BAHCC1: variants seen among roughly 807,000 people sequenced by gnomAD.
BAHCC1 encodes the protein BAH and coiled-coil domain-containing protein 1.
BAHCC1 carries 43 observed loss-of-function variants against 88.2 expected under a neutral mutation model. That is an observed-to-expected ratio of 0.49 (90% confidence interval 0.38 to 0.63). BAHCC1 has a LOEUF of 0.63. Among genes scored for constraint, BAHCC1 ranks in the 20% least tolerant of loss-of-function variants. The pLI is 0.00. For missense variants in BAHCC1, 3,023 were observed against 1,654.8 expected (o/e 1.83, Z -14.34); for synonymous variants, 1,510 against 745.5 (o/e 2.03, Z -16.71).
In BAHCC1 at chr17:81,446,861, C is replaced by T. The variant is rs782493588; in HGVS notation, c.3164-175C>T. ...AGCTACTGCACCCAGCCAGGTTGCC[C>T]CCTTAATTAACGTAACCCTTTCCCC... On this transcript the variant is annotated intron_variant, in intron 10 of 27. Coordinates refer to ENST00000675386, the MANE Select transcript of BAHCC1 (RefSeq NM_001377448.1). 11 of 669,628 alleles carry T rather than the reference C, an allele frequency of 1.6e-5. No individual in the cohort carries two copies. In the South Asian group the frequency reaches 1.8e-4, roughly 11 times the overall value. The allele number at this position is 669,628 out of a possible 1,614,324, so 41.5% of individuals were successfully genotyped here.
chr17:81,416,302 G>A (rs1180554161), intron 2 of BAHCC1, among the ~76,000 whole-genome samples: 1 of 147,504 alleles, frequency 6.8e-6, no homozygotes, highest in Non-Finnish European at 1.5e-5. Context: ...GTGTGTCCAT[G>A]AGGGTGGGTG....
intron 2 of BAHCC1, among the ~76,000 whole-genome samples, chr17:81,414,061 A>G (rs1555648239): frequency 1.3e-5 from 2 of 152,144 alleles, no homozygotes; most frequent in Admixed American, 6.5e-5. Context: ...GCGTGTCTCT[A>G]GACTCTCCTC....
intron 2 of BAHCC1, among the ~76,000 whole-genome samples, chr17:81,406,365 C>T (rs2063879004): frequency 6.6e-6 from 1 of 152,218 alleles, no homozygotes; most frequent in Non-Finnish European, 1.5e-5. Context: ...CATTCCCCCT[C>T]CCAGCCCCCG....
At chr17:81,437,786 C>T (rs182460136) in intron 3 of BAHCC1, among the ~76,000 whole-genome samples, 9 of 152,348 alleles carry the variant, frequency 5.9e-5, no homozygotes, top group East Asian at 1.9e-4. Flanking sequence ...TCTTTGCCCC[C>T]GTCCCTTCCC....
chr17:81,422,536 C>T (rs1055570395), intron 2 of BAHCC1, among the ~76,000 whole-genome samples: 1 of 152,174 alleles, frequency 6.6e-6, no homozygotes, highest in Non-Finnish European at 1.5e-5. Context: ...TAGGCTAGAG[C>T]CCCCATCCCC....
chr17:81,433,562 T>C (rs1485250538), intron 3 of BAHCC1, among the ~76,000 whole-genome samples: 47 of 81,270 alleles, frequency 5.8e-4, no homozygotes, highest in Admixed American at 7.2e-4. Flanking sequence ...CCTCCTGTGC[T>C]TAGGGCAGGT....
At chr17:81,407,981 G>A (rs1381262565) in intron 2 of BAHCC1, among the ~76,000 whole-genome samples, 2 of 152,172 alleles carry the variant, frequency 1.3e-5, no homozygotes, top group East Asian at 1.9e-4. Context: ...TCCATCCTCC[G>A]TCTCCTGGCT....
intron 27 of BAHCC1, 55 bp from the exon 28 acceptor site, chr17:81,463,556 G>C (rs2030486830): frequency 1.3e-6 from 1 of 771,226 alleles, no homozygotes; most frequent in African/African-American, 1.7e-5. Context: ...TCCTGGCTGG[G>C]CAGGGGCGCA....
chr17:81,459,687 G>T, intron 23 of BAHCC1, 83 bp downstream of exon 23: 2 of 749,922 alleles, frequency 2.7e-6, no homozygotes, highest in Non-Finnish European at 5.0e-6. Context: ...CCTGGCTTCC[G>T]AGGCTGGCGA....
Position 81,442,403 on chromosome 17 carries a change from G to T in BAHCC1, c.1054G>T (p.Gly352Trp), listed in dbSNP as rs377687447. 1.4e-6 allele frequency: 1 copy of T among 698,478 alleles called. No individual in the cohort carries two copies. The highest frequency in any genetic ancestry group is 1.8e-5 in the African/African-American group (1 of 56,446). 43.3% of individuals were successfully genotyped at this position (698,478 alleles called of 1,614,324 possible). The part of the protein sequence containing the change: ...QMLHHTASYA[G>W]PPPPLSTAAG... ...GCTACACCACACCGCATCCTACGCC[G>T]GGCCACCCCCGCCCCTCAGCACAGC... Residue 352 changes from glycine to tryptophan, a missense_variant, in exon 5 of 28, where the codon GGG becomes TGG. By Grantham distance (184) the Gly-to-Trp change is radical. Coordinates refer to ENST00000675386, the MANE Select transcript of BAHCC1 (RefSeq NM_001377448.1).
Position 81,443,024 on chromosome 17 carries a change from G to A in BAHCC1, c.1675G>A (p.Gly559Ser), listed in dbSNP as rs370904420. 17 of 778,462 alleles carry A rather than the reference G, an allele frequency of 2.2e-5. No homozygotes were observed. The highest frequency in any genetic ancestry group is 3.8e-5 in the Non-Finnish European group (16 of 417,710). 48.2% of individuals were successfully genotyped at this position (778,462 alleles called of 1,614,324 possible). A position where few individuals can be genotyped will look rare whatever the true frequency, so the allele number is the denominator to read the frequency against. ...HLMAAEVEQG[G>S]IGAEAKRKSL... The stretch of plus-strand genomic sequence containing the variant: ...GATGGCCGCCGAGGTGGAGCAGGGG[G>A]GCATTGGGGCTGAGGCCAAGCGCAA... Residue 559 changes from glycine to serine, a missense_variant, in exon 5 of 28, where the codon GGC becomes AGC. Gly to Ser is a moderately conservative substitution (Grantham distance 56). Transcript: ENST00000675386.
chr17:81,406,906 C>T (rs2063887540), intron 2 of BAHCC1: 3 of 456,180 alleles, frequency 6.6e-6, no homozygotes, highest in Admixed American at 2.3e-5. Context: ...GCTGTCCACA[C>T]GATTAGGTTC....
intron 10 of BAHCC1, among the ~76,000 whole-genome samples, chr17:81,446,526 C>CTTTTTTTTTTTTTTT (rs869297780): frequency 8.1e-5 from 4 of 49,224 alleles, no homozygotes; most frequent in African/African-American, 3.6e-4. Context: ...CTGCTCACAC[C>CTTTTTTTTTTTTTTT]TTTTTTTTTT....
At chr17:81,406,621 C>T (rs939972422) in intron 2 of BAHCC1, among the ~76,000 whole-genome samples, 1 of 152,250 alleles carries the variant, frequency 6.6e-6, no homozygotes, top group Admixed American at 6.5e-5. Context: ...GATAATATAC[C>T]GTTTCGCTCA....
At position 81,411,071 on chromosome 17, in the gene BAHCC1, G is replaced by T. The variant is rs1555647757; in HGVS notation, c.178+11154G>T. On this transcript the variant is annotated intron_variant, in intron 2 of 27. Transcript: ENST00000675386. The surrounding 1 kb of genome is among the most constrained non-coding windows in gnomAD (Gnocchi z 6.2). The stretch of plus-strand genomic sequence containing the variant: ...GTGCGCCTCCCCTCGGGCCTGAGGG[G>T]TCCCTCTCTCTGGGGTCACGCTCCC... The T allele has an allele frequency of 1.9e-6, 1 of 519,180 alleles. No individual in the cohort carries two copies. Among genetic ancestry groups the T allele is most frequent in the South Asian group, 1.4e-5 (1 of 71,566 alleles). The allele number at this position is 519,180 out of a possible 1,614,324, so 32.2% of individuals were successfully genotyped here.
At chr17:81,452,227 G>A (rs923317314) in intron 13 of BAHCC1, 120 bp downstream of exon 13, 21 of 505,710 alleles carry the variant, frequency 4.2e-5, no homozygotes, top group Middle Eastern at 4.9e-4. Context: ...CCCTACCTGT[G>A]GGCAGACACC....
At position 81,460,552 on chromosome 17, in the gene BAHCC1, G is replaced by A. The variant is rs2030158844; in HGVS notation, c.6048G>A (p.Leu2016=). The A allele has an allele frequency of 1.3e-6, 1 of 763,114 alleles. No individual in the cohort carries two copies. The highest frequency in any genetic ancestry group is 2.4e-6 in the Non-Finnish European group (1 of 409,788). 47.3% of individuals were successfully genotyped at this position (763,114 alleles called of 1,614,324 possible). ...KIQCTEPSPA[L]LVSSSCRRTK... is the part of the protein sequence containing the mutation. ...CAGGCACAGAGCCCTCTCCAGCCCT[G>A]CTAGTGTCTAGCAGCTGCCGGAGGA... The change falls in exon 25 of 28, where the codon CTG becomes CTA. Residue 2016 remains leucine, a synonymous_variant. Transcript: ENST00000675386.
In BAHCC1 at chr17:81,443,314, G is replaced by T; in HGVS notation, c.1965G>T (p.Leu655=). ...VVGQKAPLVG[L]GGLKASCIQQ... The stretch of plus-strand genomic sequence containing the variant: ...GCCAGAAAGCACCCTTGGTGGGCCT[G>T]GGTGGCCTCAAGGCCAGCTGCATCC... Residue 655 remains leucine (L), a synonymous_variant, in exon 5 of 28, where the codon CTG becomes CTT. Coordinates refer to ENST00000675386, the MANE Select transcript of BAHCC1 (RefSeq NM_001377448.1). 1.3e-6 allele frequency: 1 copy of T among 779,288 alleles called. No homozygotes were observed. 48.3% of individuals were successfully genotyped at this position (779,288 alleles called of 1,614,324 possible).
intron 1 of BAHCC1, chr17:81,396,627 C>T (rs1567987854): frequency 1.3e-5 from 2 of 152,188 alleles, no homozygotes; most frequent in Admixed American, 6.5e-5. Context: ...GGCCAGAGTC[C>T]TGGTCTCCGG....
Sources: allele counts gnomAD v4.1 joint callset (sites outside exome capture counted in the v4.1 genomes callset), GRCh38; gene constraint gnomAD v4.1.1; non-coding constraint Gnocchi (gnomAD v3.1); transcripts MANE v1.5; gene names NCBI Gene and HGNC (gene_info 2026-07-23, HGNC 2026-07-21).